The following GNB5 variants were observed in gnomAD, a reference collection of about 807,000 sequenced individuals.
GNB5 encodes the protein guanine nucleotide-binding protein subunit beta-5.
A neutral mutation model predicts 55.3 loss-of-function variants in GNB5; 37 were observed. That is an observed-to-expected ratio of 0.67 (90% CI 0.51 to 0.88). GNB5 has a LOEUF of 0.88. GNB5 is among the 40% of genes least tolerant of loss of function. GNB5 has a pLI of 0.00. For synonymous variants in GNB5, 219 were observed against 198.5 expected (o/e 1.10, Z -0.87); for missense variants, 476 against 515.3 (o/e 0.92, Z 0.74).
At position 52,119,717 on chromosome 15, in the gene GNB5, A is replaced by C. The variant is rs940687207; in HGVS notation, c.*3040T>G. ...CTGAGAAAAACTCAGATATTATCAT[A>C]TATTCTGTGACCGTGACAGAGGTGG... On this transcript the variant is annotated 3_prime_UTR_variant, in exon 13 of 13. Transcript: ENST00000261837. 1 of 152,152 alleles carries C rather than the reference A, an allele frequency of 6.6e-6. No individual in the cohort carries two copies. The highest frequency in any genetic ancestry group is 2.4e-5 in the African/African-American group (1 of 41,398). The allele number at this position is 152,152 out of a possible 1,614,324, so 9.4% of individuals were successfully genotyped here.
At chr15:52,175,035 C>T (rs1487387892) in intron 3 of GNB5, among the ~76,000 whole-genome samples, 1 of 151,946 alleles carries the variant, frequency 6.6e-6, no homozygotes, top group Non-Finnish European at 1.5e-5. Context: ...ATCGTGCCAC[C>T]GCACTCCAGC....
At chr15:52,190,778 T>TAAAAAAAAAA (rs58614125) in intron 1 of GNB5, among the ~76,000 whole-genome samples, 15 of 96,908 alleles carry the variant, frequency 1.5e-4, no homozygotes, top group African/African-American at 6.6e-4. Context: ...CTTATTTCCT[T>TAAAAAAAAAA]AAAAAAAAAA....
At chr15:52,137,745 C>G in intron 7 of GNB5, 4 of 1,195,176 alleles carry the variant, frequency 3.3e-6, no homozygotes, top group Non-Finnish European at 3.2e-6. Context: ...GTTCGGGGCC[C>G]TCATAGGCCC....
At chr15:52,175,297 AC>A (rs2034629621) in intron 3 of GNB5, among the ~76,000 whole-genome samples, 4 of 152,212 alleles carry the variant, frequency 2.6e-5, no homozygotes, top group African/African-American at 2.4e-5. Flanking sequence ...CTAATTTGGT[AC>A]TATAAAACTC....
chr15:52,124,829 AG>A, intron 11 of GNB5, 190 bp from the exon 12 acceptor site: 2 of 571,942 alleles, frequency 3.5e-6, no homozygotes, highest in South Asian at 4.2e-5. Flanking sequence ...TGGGGCTGAA[AG>A]GAACAGATCA....
chr15:52,126,945 C>T lies in GNB5; in HGVS notation c.913-901G>A, dbSNP rs1036548369. Among the ~76,000 whole-genome samples the T allele has an allele frequency of 9.2e-5, 14 of 152,104 alleles. No homozygotes were observed. The East Asian group carries it at 1.2e-3, about 13-fold the overall frequency. On this transcript the variant is annotated intron_variant, in intron 10 of 12. Coordinates refer to ENST00000261837, the MANE Select transcript of GNB5 (RefSeq NM_016194.4). ...CTGAGTAGCTGGGATTACAGGTGAC[C>T]GCCACCACGCCTGGCTAATTTTTGT...
At chr15:52,173,717 C>T (rs1041741747) in intron 3 of GNB5, among the ~76,000 whole-genome samples, 1 of 152,206 alleles carries the variant, frequency 6.6e-6, no homozygotes, top group Admixed American at 6.5e-5. Flanking sequence ...TGAATCTTCT[C>T]TACTCCCTAT....
chr15:52,126,419 G>A (rs761604543), intron 10 of GNB5, among the ~76,000 whole-genome samples: 1 of 152,058 alleles, frequency 6.6e-6, no homozygotes, highest in Non-Finnish European at 1.5e-5. Flanking sequence ...AATCCTAGAG[G>A]TATTTACTAA....
chr15:52,191,115 T>A (rs909642443), intron 1 of GNB5, among the ~76,000 whole-genome samples: 1 of 152,214 alleles, frequency 6.6e-6, no homozygotes, highest in African/African-American at 2.4e-5. Flanking sequence ...ATATTTCAAT[T>A]TGAAATATTT....
At chr15:52,174,004 C>T (rs1039584961) in intron 3 of GNB5, among the ~76,000 whole-genome samples, 1 of 152,178 alleles carries the variant, frequency 6.6e-6, no homozygotes, top group African/African-American at 2.4e-5. Flanking sequence ...AGTTAAGGAT[C>T]TTGAGATGGG....
chr15:52,156,857 C>T (rs79452714), intron 3 of GNB5, among the ~76,000 whole-genome samples: 5,521 of 152,240 alleles, frequency 0.036, 362 homozygotes, highest in African/African-American at 0.13. Flanking sequence ...CTGCCACAAA[C>T]AGCATATTCG....
rs374275108 is a variant in GNB5, at chr15:52,184,227, CAAATG to C, written c.126+319_126+323del. On this transcript the variant is annotated intron_variant, in intron 2 of 12. Coordinates refer to ENST00000261837, the MANE Select transcript of GNB5 (RefSeq NM_016194.4). ...CTGGGTACTATTTAAAATAAGTTAT[CAAATG>C]AAATCATTTGATCATCATAAAACTC... 2.8e-3 allele frequency among the ~76,000 whole-genome samples: 421 copies of C among 152,292 alleles called. 1 individual carries two copies. Among genetic ancestry groups the C allele is most frequent in the African/African-American group, 9.8e-3 (407 of 41,548 alleles).
chr15:52,129,505 T>G (rs148660856), intron 9 of GNB5, among the ~76,000 whole-genome samples: 1 of 152,170 alleles, frequency 6.6e-6, no homozygotes. Context: ...TCCATCACAG[T>G]GTGGGCACAT....
intron 2 of GNB5, among the ~76,000 whole-genome samples, chr15:52,181,606 A>T (rs1248041083): frequency 6.6e-6 from 1 of 151,658 alleles, no homozygotes; most frequent in Non-Finnish European, 1.5e-5. Context: ...ACAGAGCAAG[A>T]CTCAAAAAAA....
chr15:52,159,032 G>C (rs2087281414), intron 3 of GNB5, among the ~76,000 whole-genome samples: 2 of 152,214 alleles, frequency 1.3e-5, no homozygotes, highest in South Asian at 2.1e-4. Context: ...AGTCAGATGA[G>C]AGGAGGTCCT....
chr15:52,166,366 C>T (rs1280101177), intron 3 of GNB5, among the ~76,000 whole-genome samples: 1 of 152,178 alleles, frequency 6.6e-6, no homozygotes, highest in Admixed American at 6.5e-5. Context: ...CAGAATTCTC[C>T]ATCCAAAAAC....
At chr15:52,172,283 A>G (rs2034567587) in intron 3 of GNB5, among the ~76,000 whole-genome samples, 1 of 151,780 alleles carries the variant, frequency 6.6e-6, no homozygotes, top group Admixed American at 6.6e-5. Context: ...ACAGGTACAC[A>G]CCATCATGCC....
intron 6 of GNB5, among the ~76,000 whole-genome samples, chr15:52,145,072 T>A (rs896826797): frequency 1.3e-5 from 2 of 152,164 alleles, no homozygotes; most frequent in Non-Finnish European, 2.9e-5. Context: ...GCAGCCAGTA[T>A]CTGAAGCAAG....
At chr15:52,189,434 GC>G (rs2141246329) in intron 1 of GNB5, among the ~76,000 whole-genome samples, 1 of 152,178 alleles carries the variant, frequency 6.6e-6, no homozygotes, top group South Asian at 2.1e-4. Flanking sequence ...ACAAAAATTA[GC>G]CAGGCGTGGT....
Sources: allele counts gnomAD v4.1 joint callset (sites outside exome capture counted in the v4.1 genomes callset), GRCh38; gene constraint gnomAD v4.1.1; transcripts MANE v1.5; gene names NCBI Gene and HGNC (gene_info 2026-07-23, HGNC 2026-07-21).